NCAM2: variants seen among roughly 807,000 people sequenced by gnomAD.
NCAM2 encodes the protein neural cell adhesion molecule 2, also known as N-CAM-2.
A neutral mutation model predicts 98.1 loss-of-function variants in NCAM2; 30 were observed. That is an observed-to-expected ratio of 0.31 (90% confidence interval 0.23 to 0.41). The LOEUF is 0.41. Ranked by LOEUF, NCAM2 falls within the 10% of genes least tolerant of loss-of-function variation. NCAM2 has a pLI of 1.00. For synonymous variants in NCAM2, 368 were observed against 342.4 expected (o/e 1.07, Z -0.83); for missense variants, 867 against 1,005.8 (o/e 0.86, Z 1.87).
At chr21:21,230,122 A>G (rs2070560934) in intron 1 of NCAM2, among the ~76,000 whole-genome samples, 1 of 151,022 alleles carries the variant, frequency 6.6e-6, no homozygotes, top group Admixed American at 6.6e-5. Context: ...CCTGATTTGG[A>G]TGATTACTCT....
chr21:21,112,283 T>G (rs868144512), intron 1 of NCAM2, among the ~76,000 whole-genome samples: 1 of 152,322 alleles, frequency 6.6e-6, no homozygotes, highest in Non-Finnish European at 1.5e-5. Flanking sequence ...ATATTTTGCT[T>G]CTTTTTCAGT....
In NCAM2 at chr21:21,409,233, G is replaced by A. The variant is rs191407610; in HGVS notation, c.1196-1041G>A. Among the ~76,000 whole-genome samples, 172 of 152,140 alleles carry A rather than the reference G, an allele frequency of 1.1e-3. 1 individual carries two copies. The highest frequency in any genetic ancestry group is 1.5e-3 in the Non-Finnish European group (105 of 67,966). The stretch of plus-strand genomic sequence containing the variant: ...ATTTAGATCGTAGTCCTGGGGTGGA[G>A]GAAGAGTGAAAACAACATTTGTATG... On this transcript the variant is annotated intron_variant, in intron 9 of 17. Transcript: ENST00000400546.
intron 9 of NCAM2, among the ~76,000 whole-genome samples, chr21:21,389,006 A>G (rs1421484203): frequency 6.6e-6 from 1 of 152,170 alleles, no homozygotes; most frequent in African/African-American, 2.4e-5. Context: ...AAAGTGTGTA[A>G]TCCTCAAATC....
rs232396 is a variant in NCAM2, at chr21:21,426,901, G to A, written c.1481-5207G>A. On this transcript the variant is annotated intron_variant, in intron 11 of 17. Transcript: ENST00000400546. ...ATGATAAACAGGAGTGTCTTAAATC[G>A]TATAATTTGACTCTGAGTGTTAATA... 7.6e-3 allele frequency among the ~76,000 whole-genome samples: 1,151 copies of A among 152,248 alleles called. 15 individuals are homozygous for A. The highest frequency in any genetic ancestry group is 0.025 in the African/African-American group (1,038 of 41,544).
chr21:21,284,781 G>A (rs1005694894), intron 3 of NCAM2, among the ~76,000 whole-genome samples: 7 of 151,266 alleles, frequency 4.6e-5, no homozygotes, highest in African/African-American at 1.7e-4. Context: ...ACTGACCATT[G>A]TAGAATGAGA....
chr21:21,194,843 A>G (rs1026181259), intron 1 of NCAM2, among the ~76,000 whole-genome samples: 7 of 152,210 alleles, frequency 4.6e-5, no homozygotes, highest in Admixed American at 3.9e-4. Flanking sequence ...CATGTTGTAC[A>G]TAAGAATTCC....
chr21:21,532,492 C>T (rs1245458951), intron 16 of NCAM2, among the ~76,000 whole-genome samples: 1 of 151,908 alleles, frequency 6.6e-6, no homozygotes, highest in Non-Finnish European at 1.5e-5. Context: ...AATGTCCTTT[C>T]AGTAATATTT....
At chr21:21,331,546 A>ATATATATATACTCTC (rs2074697582) in intron 6 of NCAM2, among the ~76,000 whole-genome samples, 1 of 12,136 alleles carries the variant, frequency 8.2e-5, no homozygotes, top group African/African-American at 1.8e-4. Context: ...CTCTATATAC[A>ATATATATATACTCTC]TATATATATA....
intron 5 of NCAM2, among the ~76,000 whole-genome samples, chr21:21,299,209 T>C (rs889214935): frequency 6.6e-6 from 1 of 151,578 alleles, no homozygotes; most frequent in Non-Finnish European, 1.5e-5. Flanking sequence ...TTCCTCAAAA[T>C]GTGCTGCACT....
intron 8 of NCAM2, among the ~76,000 whole-genome samples, chr21:21,367,851 A>C (rs2588657): frequency 1.3e-5 from 2 of 151,592 alleles, no homozygotes; most frequent in Admixed American, 1.3e-4. Context: ...CAGCCAGGAT[A>C]TAAGCCTATC....
At chr21:21,169,971 A>C (rs770981017) in intron 1 of NCAM2, among the ~76,000 whole-genome samples, 3 of 152,126 alleles carry the variant, frequency 2.0e-5, no homozygotes, top group Non-Finnish European at 2.9e-5. Flanking sequence ...AAATAAAATA[A>C]AATATACAGA....
chr21:21,136,504 C>T (rs1293508822), intron 1 of NCAM2, among the ~76,000 whole-genome samples: 1 of 151,148 alleles, frequency 6.6e-6, no homozygotes, highest in Non-Finnish European at 1.5e-5. Flanking sequence ...TTCTGTCACT[C>T]ATGCTGGAGT....
At chr21:21,391,133 A>G (rs2145827415) in intron 9 of NCAM2, among the ~76,000 whole-genome samples, 1 of 152,302 alleles carries the variant, frequency 6.6e-6, no homozygotes, top group African/African-American at 2.4e-5. Context: ...CAGGAGGATC[A>G]TTTGAACACA....
intron 1 of NCAM2, among the ~76,000 whole-genome samples, chr21:21,052,084 C>T (rs941201260): frequency 1.3e-5 from 2 of 150,432 alleles, no homozygotes; most frequent in African/African-American, 4.9e-5. Context: ...GCAGTGTGCA[C>T]AGTACAGAAT....
At chr21:21,431,731 A>C (rs1290650783) in intron 11 of NCAM2, among the ~76,000 whole-genome samples, 1 of 152,074 alleles carries the variant, frequency 6.6e-6, no homozygotes, top group Non-Finnish European at 1.5e-5. Context: ...TAATTGATTT[A>C]TGTATTCTAA....
At chr21:21,527,538 G>A (rs1989394730) in intron 16 of NCAM2, among the ~76,000 whole-genome samples, 1 of 151,836 alleles carries the variant, frequency 6.6e-6, no homozygotes, top group Admixed American at 6.6e-5. Flanking sequence ...TTAGAAAGTG[G>A]GCCAAAATAC....
chr21:21,023,051 G>T (rs1320668792), intron 1 of NCAM2, among the ~76,000 whole-genome samples: 1 of 152,116 alleles, frequency 6.6e-6, no homozygotes, highest in Non-Finnish European at 1.5e-5. Context: ...ATATACAACA[G>T]TAAGCTTTAT....
intron 1 of NCAM2, among the ~76,000 whole-genome samples, chr21:21,186,855 A>G (rs1041677129): frequency 1.3e-5 from 2 of 152,228 alleles, no homozygotes; most frequent in Non-Finnish European, 2.9e-5. Context: ...GATTGTAAAT[A>G]TACAAATCAG....
chr21:21,337,380 T>G (rs1048796767), intron 7 of NCAM2, among the ~76,000 whole-genome samples: 1 of 152,098 alleles, frequency 6.6e-6, no homozygotes, highest in Admixed American at 6.6e-5. Flanking sequence ...TGACACAAAA[T>G]TGTATGCATA....
Sources: gnomAD v4.1 joint callset for allele counts (sites outside exome capture counted in the v4.1 genomes callset) on GRCh38, gnomAD v4.1.1 for gene constraint, MANE v1.5 for transcripts, NCBI Gene and HGNC (gene_info 2026-07-23, HGNC 2026-07-21) for gene names.